TENM1: variants seen among roughly 807,000 people sequenced by gnomAD.
The protein encoded by TENM1 is teneurin transmembrane protein 1.
In TENM1, 35 loss-of-function variants were observed where a neutral mutation model predicts 174.8. That is an observed-to-expected ratio of 0.20 (90% CI 0.15 to 0.27). TENM1 has a LOEUF of 0.27. TENM1 is among the 10% of genes least tolerant of loss of function. The pLI, the probability that TENM1 is intolerant of heterozygous loss-of-function variation, is 1.00. For synonymous variants in TENM1, 781 were observed against 798.7 expected, an observed-to-expected ratio of 0.98 and a Z score of 0.37; for missense variants, 1,633 against 2,130.1, an observed-to-expected ratio of 0.77 and a Z score of 4.59.
chrX:124,430,531 G>C (rs1159261249), intron 23 of TENM1, among the ~76,000 whole-genome samples: 1 of 112,173 alleles, frequency 8.9e-6, no homozygotes, highest in East Asian at 2.8e-4. Context: ...AGACCATCTA[G>C]CACAGTGCTT....
At chrX:124,798,232 G>A (rs1326856225) in intron 3 of TENM1, among the ~76,000 whole-genome samples, 1 of 111,311 alleles carries the variant, frequency 9.0e-6, no homozygotes, top group Non-Finnish European at 1.9e-5. Flanking sequence ...GGGTCAAATG[G>A]TATTTCTGGT....
intron 3 of TENM1, among the ~76,000 whole-genome samples, chrX:124,786,796 A>C (rs1029302628): frequency 1.8e-5 from 2 of 111,373 alleles, no homozygotes; most frequent in African/African-American, 6.5e-5. Context: ...CTGAATGCTT[A>C]CCCTTCCCCT....
the TENM1 span, among the ~76,000 whole-genome samples, chrX:124,977,934 T>C: frequency 3.2e-5 from 3 of 93,511 alleles, no homozygotes; most frequent in African/African-American, 1.1e-4. Flanking sequence ...TTTGAGGCTC[T>C]GTTTAGTGTG....
At chrX:124,563,815 G>C in intron 12 of TENM1, 43 bp from the exon 16 acceptor site, 3 of 1,129,454 alleles carry the variant, frequency 2.7e-6, no homozygotes, top group Non-Finnish European at 2.4e-6. Context: ...ATTTCTGAGA[G>C]ACTAAAGCTA....
intron 3 of TENM1, among the ~76,000 whole-genome samples, chrX:124,889,258 C>T (rs2057437298): frequency 9.0e-6 from 1 of 111,147 alleles, no homozygotes; most frequent in African/African-American, 3.3e-5. Context: ...CTGACCTTAC[C>T]CCTCATTGTA....
At chrX:124,957,100 G>T (rs1205414062) in intron 1 of TENM1, among the ~76,000 whole-genome samples, 1 of 111,732 alleles carries the variant, frequency 8.9e-6, no homozygotes, top group African/African-American at 3.3e-5. Context: ...TTTATTTCAA[G>T]ATTAACTTCA....
intron 15 of TENM1, 61 bp from the exon 19 acceptor site, chrX:124,530,044 G>A: frequency 8.7e-6 from 10 of 1,147,655 alleles, no homozygotes; most frequent in Non-Finnish European, 1.2e-5. Context: ...TAGAAGTCAA[G>A]TTGTAGAAAC....
rs1048908081 is a variant in TENM1 at position 124,879,030 on chromosome X, T to C, written c.535+15266A>G. Among the ~76,000 whole-genome samples the C allele has an allele frequency of 1.3e-4, 15 of 112,325 alleles. No homozygotes were observed. In the Admixed American group the frequency reaches 1.4e-3, roughly 11 times the overall value. ...AAAATTTTCATATTTATGGGATACATGTGATATGTTGTTACATGCATAGAA... is the reference window on the plus strand; with the variant it reads ...AAAATTTTCATATTTATGGGATACACGTGATATGTTGTTACATGCATAGAA... On this transcript the variant is annotated intron_variant, in intron 3 of 31. Transcript: ENST00000422452.
the TENM1 span, among the ~76,000 whole-genome samples, chrX:125,073,397 A>G: frequency 9.0e-6 from 1 of 111,604 alleles, no homozygotes; most frequent in Non-Finnish European, 1.9e-5. Context: ...ATCTCAAAAA[A>G]TAAAACTGCA....
At chrX:124,927,777 A>C (rs1459007243) in intron 1 of TENM1, among the ~76,000 whole-genome samples, 1 of 111,572 alleles carries the variant, frequency 9.0e-6, no homozygotes, top group Non-Finnish European at 1.9e-5. Flanking sequence ...CCACCAGTCT[A>C]AATGGAATAA....
intron 11 of TENM1, among the ~76,000 whole-genome samples, chrX:124,584,322 C>A (rs1569323654): frequency 9.1e-6 from 1 of 110,180 alleles, no homozygotes. Context: ...GCCCATCAGA[C>A]TAACAGCGGA....
chrX:124,806,916 G>A (rs2055615802), intron 3 of TENM1, among the ~76,000 whole-genome samples: 1 of 111,401 alleles, frequency 9.0e-6, no homozygotes, highest in Non-Finnish European at 1.9e-5. Context: ...CTGAGGCTAG[G>A]TAATATATAA....
the TENM1 span, among the ~76,000 whole-genome samples, chrX:125,122,828 G>T: frequency 1.3e-5 from 1 of 77,559 alleles, no homozygotes; most frequent in African/African-American, 3.9e-5. Flanking sequence ...TTCTGGAAGG[G>T]TTATTATTTT....
At chrX:124,717,864 A>G (rs2053222840) in intron 4 of TENM1, among the ~76,000 whole-genome samples, 1 of 112,307 alleles carries the variant, frequency 8.9e-6, no homozygotes, top group South Asian at 3.7e-4. Flanking sequence ...ATCTAGAAGA[A>G]AACAAAAGGA....
Position 124,926,765 on chromosome X carries a change from C to A in TENM1, c.218-30524G>T, listed in dbSNP as rs1030665795. On this transcript the variant is annotated intron_variant, in intron 1 of 31. Coordinates refer to ENST00000422452, the Ensembl canonical transcript of TENM1. ...AAACCAAGTTAATGCTGTACTGGAACTTGAATTCACATCAAGTTATTTCGC... is the reference window on the plus strand; with the variant it reads ...AAACCAAGTTAATGCTGTACTGGAAATTGAATTCACATCAAGTTATTTCGC... Among the ~76,000 whole-genome samples, 9 of 112,191 alleles carry A rather than the reference C, an allele frequency of 8.0e-5. No homozygotes were observed. The East Asian group carries it at 2.2e-3, about 28-fold the overall frequency.
chrX:125,026,351 T>A, the TENM1 span, among the ~76,000 whole-genome samples: 1 of 110,980 alleles, frequency 9.0e-6, no homozygotes, highest in Non-Finnish European at 1.9e-5. Context: ...ACTAACATAC[T>A]CCAAGGAAAA....
At chrX:125,201,548 ATTG>A in the TENM1 span, among the ~76,000 whole-genome samples, 1 of 111,993 alleles carries the variant, frequency 8.9e-6, no homozygotes, top group African/African-American at 3.2e-5. Flanking sequence ...TATAGCTGAC[ATTG>A]TTCTCAGGAC....
chrX:124,600,860 C>G (rs1016517682), intron 11 of TENM1, among the ~76,000 whole-genome samples: 5 of 111,587 alleles, frequency 4.5e-5, no homozygotes, highest in African/African-American at 1.6e-4. Flanking sequence ...TATTCTGAAC[C>G]AGTTCCTTTT....
chrX:124,457,284 C>T (rs746239902), intron 22 of TENM1, among the ~76,000 whole-genome samples: 192 of 112,073 alleles, frequency 1.7e-3, no homozygotes, highest in African/African-American at 6.0e-3. Context: ...CACTGACAGA[C>T]CATAACCTGG....
Sources: gnomAD v4.1 joint callset for allele counts (sites outside exome capture counted in the v4.1 genomes callset) on GRCh38, gnomAD v4.1.1 for gene constraint, MANE v1.5 for transcripts, NCBI Gene and HGNC (gene_info 2026-07-23, HGNC 2026-07-21) for gene names.